The following TMEM201 variants were observed in gnomAD, a reference collection of about 807,000 sequenced individuals.
TMEM201 encodes RP13-15M17.2.
In TMEM201, 26 loss-of-function variants were observed where a neutral mutation model predicts 63.4. That is an observed-to-expected ratio of 0.41 (90% CI 0.30 to 0.57). The LOEUF (loss-of-function observed/expected upper bound fraction) is 0.57. Among genes scored for constraint, TMEM201 ranks in the 20% least tolerant of loss-of-function variants. TMEM201 has a pLI of 0.29. For synonymous variants in TMEM201, 417 were observed against 421.6 expected (o/e 0.99, Z 0.14); for missense variants, 794 against 917.7 (o/e 0.87, Z 1.74).
rs1035534113 is a variant in TMEM201, at chr1:9,610,942, A to T, written c.1765+137A>T. 1.3e-6 allele frequency: 2 copies of T among 1,499,998 alleles called. No homozygotes were observed. Among genetic ancestry groups the T allele is most frequent in the Admixed American group, 4.0e-5 (2 of 50,200 alleles). The allele number at this position is 1,499,998 out of a possible 1,614,324, so 92.9% of individuals were successfully genotyped here. ...CCCACCCTGGAGCTCTAGGCACCCC[A>T]TTCCGGCTCTGGTGACTTGAACCCT... On this transcript the variant is annotated intron_variant, in intron 9 of 10. Transcript: ENST00000340381. The surrounding 1 kb of genome is among the most constrained non-coding windows in gnomAD (Gnocchi z 4.9).
chr1:9,590,974 T>C (rs899822924), intron 1 of TMEM201, among the ~76,000 whole-genome samples: 9 of 151,854 alleles, frequency 5.9e-5, no homozygotes, highest in Admixed American at 1.3e-4. Flanking sequence ...CTTGGCTGGG[T>C]GGGTGTTTGC....
Position 9,607,896 on chromosome 1 carries a change from G to T in TMEM201, c.1393+107G>T. ...AGGGCCGGGAGTGGTTAGTGTTCCT[G>T]CTGCAGAGACAGGCAGCACAGAGCT... On this transcript the variant is annotated intron_variant, in intron 7 of 10. Transcript: ENST00000340381. This position sits in a 1 kb window ranked among gnomAD's most constrained non-coding sequence, Gnocchi z 5.4. 1 of 1,085,320 alleles carries T rather than the reference G, an allele frequency of 9.2e-7. No homozygotes were observed. Among genetic ancestry groups the T allele is most frequent in the Non-Finnish European group, 1.3e-6 (1 of 765,058 alleles). The allele number at this position is 1,085,320 out of a possible 1,614,324, so 67.2% of individuals were successfully genotyped here.
intron 1 of TMEM201, among the ~76,000 whole-genome samples, chr1:9,593,962 G>A (rs1381663597): frequency 6.6e-6 from 1 of 152,256 alleles, no homozygotes; most frequent in Admixed American, 6.5e-5. Flanking sequence ...AGTGCTAGAT[G>A]CGGGCACCGC....
At chr1:9,592,125 G>T (rs1248934359) in intron 1 of TMEM201, among the ~76,000 whole-genome samples, 2 of 152,366 alleles carry the variant, frequency 1.3e-5, no homozygotes, top group East Asian at 3.9e-4. Flanking sequence ...AGTATGTTTT[G>T]CTTGGAGATG....
Position 9,601,367 on chromosome 1 carries a change from G to T in TMEM201, c.869G>T (p.Trp290Leu), listed in dbSNP as rs1644138311. Reference protein sequence around the residue: ...EHMAEKLCEAWAFGQSHQTGV... With the variant: ...EHMAEKLCEALAFGQSHQTGV... ...ATGGCGGAGAAGCTGTGTGAGGCCTGGGCCTTTGGGCAGAGCCACCAGACG... is the reference window on the plus strand; with the variant it reads ...ATGGCGGAGAAGCTGTGTGAGGCCTTGGCCTTTGGGCAGAGCCACCAGACG... The change falls in exon 5 of 11, where the codon TGG becomes TTG. Residue 290 changes from tryptophan (W) to leucine (L), a missense_variant. By Grantham distance (61) the Trp-to-Leu change is moderately conservative (BLOSUM62 -2). Transcript: ENST00000340381. The T allele has an allele frequency of 6.2e-7, 1 of 1,606,458 alleles. No individual in the cohort carries two copies.
At chr1:9,597,482 G>A (rs896471511) in intron 3 of TMEM201, among the ~76,000 whole-genome samples, 13 of 152,182 alleles carry the variant, frequency 8.5e-5, no homozygotes, top group Non-Finnish European at 2.9e-5. Flanking sequence ...TCTGCTGTGG[G>A]GTTGGTGGAG....
rs1003040114 is a variant in TMEM201, at chr1:9,604,562, G to A, written c.1160+2290G>A. ...CCAGGGAACTCTTCTCCTCGCGGGG[G>A]ACTTGGGATGGCCATCAGACCTTCT... On this transcript the variant is annotated intron_variant, in intron 6 of 10. Coordinates refer to ENST00000340381, the MANE Select transcript of TMEM201 (RefSeq NM_001130924.3). This position sits in a 1 kb window ranked among gnomAD's most constrained non-coding sequence, Gnocchi z 4.1. 1.8e-4 allele frequency: 176 copies of A among 985,352 alleles called. No individual in the cohort carries two copies. The highest frequency in any genetic ancestry group is 2.1e-4 in the Non-Finnish European group (174 of 829,952). The allele number at this position is 985,352 out of a possible 1,614,324, so 61.0% of individuals were successfully genotyped here. A position where few individuals can be genotyped will look rare whatever the true frequency, so the allele number is the denominator to read the frequency against.
In TMEM201 at chr1:9,591,861, G is replaced by A. The variant is rs546531516; in HGVS notation, c.113+2818G>A. On this transcript the variant is annotated intron_variant, in intron 1 of 10. Coordinates refer to ENST00000340381, the MANE Select transcript of TMEM201 (RefSeq NM_001130924.3). ...CGTTGGGTGGTCCCCTCCCTCTGCC[G>A]TCTGCCCTGCTGGTGAGCACAGCTG... Among the ~76,000 whole-genome samples, 17 of 152,318 alleles carry A rather than the reference G, an allele frequency of 1.1e-4. No homozygotes were observed. In the South Asian group the frequency reaches 2.7e-3, roughly 24 times the overall value.
chr1:9,610,682 G>A lies in TMEM201; in HGVS notation c.1642G>A (p.Gly548Arg). The A allele has an allele frequency of 1.9e-6, 3 of 1,550,550 alleles. No individual in the cohort carries two copies. Among genetic ancestry groups the A allele is most frequent in the Non-Finnish European group, 2.6e-6 (3 of 1,146,902 alleles). ...GCTGCTGCTGTTCCCGTCACCCCCT[G>A]GAGAGGCCCCCACCACGCCCAGCAG... ...QKLLLFPSPP[G>R]EAPTTPSSSD... is the part of the protein sequence containing the mutation. Residue 548 changes from glycine to arginine, a missense_variant, in exon 9 of 11, where the codon GGA (glycine) becomes AGA (arginine). Physicochemically the swap from Gly to Arg is moderately radical, Grantham distance 125. Coordinates refer to ENST00000340381, the MANE Select transcript of TMEM201 (RefSeq NM_001130924.3). This position sits in a 1 kb window ranked among gnomAD's most constrained non-coding sequence, Gnocchi z 4.9.
rs1233200661 is a variant in TMEM201, at chr1:9,611,740, C to T, written c.1766-13C>T. 1 of 1,551,328 alleles carries T rather than the reference C, an allele frequency of 6.4e-7. No homozygotes were observed. Among genetic ancestry groups the T allele is most frequent in the East Asian group, 2.4e-5 (1 of 40,920 alleles). Reference sequence around the variant, plus strand: ...CATGAGCGCCACTGAGAAACACACCCTTCTCTCTGCAGACCTGAGATCCAA... The same window carrying T: ...CATGAGCGCCACTGAGAAACACACCTTTCTCTCTGCAGACCTGAGATCCAA... On this transcript the variant is annotated splice_polypyrimidine_tract_variant and intron_variant, in intron 9 of 10. Coordinates refer to ENST00000340381, the MANE Select transcript of TMEM201 (RefSeq NM_001130924.3).
chr1:9,609,135 A>G (rs1350380542), intron 7 of TMEM201, among the ~76,000 whole-genome samples: 1 of 152,190 alleles, frequency 6.6e-6, no homozygotes, highest in Non-Finnish European at 1.5e-5. Flanking sequence ...CCCAGCATCC[A>G]TAGAATGGAT....
chr1:9,607,321 G>T lies in TMEM201; in HGVS notation c.1161-236G>T, dbSNP rs917666604. Reference sequence around the variant, plus strand: ...GAGATAGTTTGCTGTGAGCCGAGGGGGTAGGAGGGGGCATGTGGGGAGGGC... The same window carrying T: ...GAGATAGTTTGCTGTGAGCCGAGGGTGTAGGAGGGGGCATGTGGGGAGGGC... On this transcript the variant is annotated intron_variant, in intron 6 of 10. Transcript: ENST00000340381. This position sits in a 1 kb window ranked among gnomAD's most constrained non-coding sequence, Gnocchi z 5.4. 1.3e-5 allele frequency among the ~76,000 whole-genome samples: 2 copies of T among 152,078 alleles called. No homozygotes were observed. The highest frequency in any genetic ancestry group is 2.9e-5 in the Non-Finnish European group (2 of 68,002).
At position 9,588,912 on chromosome 1, in the gene TMEM201, T is replaced by G. The variant is rs769849400; in HGVS notation, c.-19T>G. The G allele has an allele frequency of 2.8e-5, 35 of 1,236,518 alleles. No homozygotes were observed. The highest frequency in any genetic ancestry group is 1.3e-4 in the South Asian group (8 of 63,766). The allele number at this position is 1,236,518 out of a possible 1,614,324, so 76.6% of individuals were successfully genotyped here. A position where few individuals can be genotyped will look rare whatever the true frequency, so the allele number is the denominator to read the frequency against. Reference sequence around the variant, plus strand: ...CGCCTACCCCCCTGCCGGCCTGCCGTCCTTCCACGCGGAGAGCCATGGAGG... The same window carrying G: ...CGCCTACCCCCCTGCCGGCCTGCCGGCCTTCCACGCGGAGAGCCATGGAGG... On this transcript the variant is annotated 5_prime_UTR_variant, in exon 1 of 11. Coordinates refer to ENST00000340381, the MANE Select transcript of TMEM201 (RefSeq NM_001130924.3).
intron 4 of TMEM201, 116 bp downstream of exon 4, chr1:9,598,741 T>TTTTTA (rs924251860): frequency 7.3e-6 from 7 of 956,996 alleles, no homozygotes; most frequent in Admixed American, 6.1e-5. Flanking sequence ...AGCCCCTTTA[T>TTTTTA]TTTTATTTTA....
In TMEM201 at chr1:9,605,177, C is replaced by T. The variant is rs1029069275; in HGVS notation, c.1161-2380C>T. 6.6e-6 allele frequency among the ~76,000 whole-genome samples: 1 copy of T among 152,206 alleles called. No homozygotes were observed. Among genetic ancestry groups the T allele is most frequent in the Non-Finnish European group, 1.5e-5 (1 of 68,028 alleles). On this transcript the variant is annotated intron_variant, in intron 6 of 10. Coordinates refer to ENST00000340381, the MANE Select transcript of TMEM201 (RefSeq NM_001130924.3). The surrounding 1 kb of genome is among the most constrained non-coding windows in gnomAD (Gnocchi z 5.7). ...TAAACTGTTGCTTAAAACGTGGTCT[C>T]TCTCCTTCCACTCCTGATGTGGGCT...
At chr1:9,595,642 G>A (rs1644003909) in intron 1 of TMEM201, among the ~76,000 whole-genome samples, 1 of 152,110 alleles carries the variant, frequency 6.6e-6, no homozygotes, top group African/African-American at 2.4e-5. Context: ...AGACTGAGAA[G>A]CCCAGGTTGG....
Position 9,603,740 on chromosome 1 carries a change from G to C in TMEM201, c.1160+1468G>C. On this transcript the variant is annotated intron_variant, in intron 6 of 10. Coordinates refer to ENST00000340381, the MANE Select transcript of TMEM201 (RefSeq NM_001130924.3). This position sits in a 1 kb window ranked among gnomAD's most constrained non-coding sequence, Gnocchi z 4.5. The stretch of plus-strand genomic sequence containing the variant: ...AGAGGCTGCCCCACCCCAGTGATTG[G>C]GTAGCAGCTCACATCCCACCCAGCT... 1 of 985,444 alleles carries C rather than the reference G, an allele frequency of 1.0e-6. No individual in the cohort carries two copies. The highest frequency in any genetic ancestry group is 1.2e-6 in the Non-Finnish European group (1 of 829,938). 61.0% of individuals were successfully genotyped at this position (985,444 alleles called of 1,614,324 possible).
chr1:9,597,379 G>A (rs1644045669), intron 3 of TMEM201, among the ~76,000 whole-genome samples: 2 of 152,228 alleles, frequency 1.3e-5, no homozygotes, highest in African/African-American at 4.8e-5. Flanking sequence ...CTGGGCAGAG[G>A]GAGGAAGGGA....
intron 1 of TMEM201, among the ~76,000 whole-genome samples, chr1:9,590,352 C>G (rs1158288127): frequency 6.6e-6 from 1 of 152,176 alleles, no homozygotes. Flanking sequence ...GTCCAGCACC[C>G]GGTGTTCTTC....
Sources: gnomAD v4.1 joint callset for allele counts (sites outside exome capture counted in the v4.1 genomes callset) on GRCh38, gnomAD v4.1.1 for gene constraint, Gnocchi (gnomAD v3.1) non-coding constraint, MANE v1.5 for transcripts, NCBI Gene and HGNC (gene_info 2026-07-23, HGNC 2026-07-21) for gene names.